Variants in TMEFF2 observed in about 807,000 individuals in gnomAD.
TMEFF2 encodes the protein transmembrane protein with EGF like and two follistatin like domains 2.
In TMEFF2, 28 loss-of-function variants were observed where a neutral mutation model predicts 53.8. The ratio of observed to expected loss-of-function variants is 0.52; its 90% CI spans 0.39 to 0.71. The LOEUF is 0.71. Ranked by LOEUF, TMEFF2 falls within the 30% of genes least tolerant of loss-of-function variation. TMEFF2 has a pLI of 0.00. For synonymous variants in TMEFF2, 162 were observed against 166.3 expected (o/e 0.97, Z 0.20); for missense variants, 353 against 455.2 (o/e 0.78, Z 2.04).
At chr2:191,961,090 A>C (rs1347150061) in intron 7 of TMEFF2, among the ~76,000 whole-genome samples, 1 of 152,178 alleles carries the variant, frequency 6.6e-6, no homozygotes, top group Non-Finnish European at 1.5e-5. Context: ...TATATATATT[A>C]AACAAAATAA....
In TMEFF2 at chr2:191,998,328, T is replaced by C. The variant is rs1559078060; in HGVS notation, c.686-7A>G. 6.3e-7 allele frequency: 1 copy of C among 1,588,882 alleles called. No individual in the cohort carries two copies. Among genetic ancestry groups the C allele is most frequent in the Non-Finnish European group, 8.6e-7 (1 of 1,166,344 alleles). ...GTAGTTGTAGTTGTGTTATCTGTGTTAAAAAATTAACAATAAAAATTGATT... is the reference window on the plus strand; with the variant it reads ...GTAGTTGTAGTTGTGTTATCTGTGTCAAAAAATTAACAATAAAAATTGATT... On this transcript the variant is annotated splice_region_variant and splice_polypyrimidine_tract_variant and intron_variant, in intron 6 of 9. Coordinates refer to ENST00000272771, the MANE Select transcript of TMEFF2 (RefSeq NM_016192.4).
intron 4 of TMEFF2, among the ~76,000 whole-genome samples, chr2:192,167,090 C>T (rs370541994): frequency 6.6e-6 from 1 of 152,052 alleles, no homozygotes; most frequent in East Asian, 1.9e-4. Context: ...GCATTCAAGT[C>T]CCACAGAACA....
chr2:192,182,164 G>A (rs1691202619), intron 3 of TMEFF2, among the ~76,000 whole-genome samples: 1 of 151,774 alleles, frequency 6.6e-6, no homozygotes, highest in African/African-American at 2.4e-5. Context: ...TAAATATAAA[G>A]TTATATCTTC....
At chr2:192,128,150 C>T (rs1356337385) in intron 4 of TMEFF2, among the ~76,000 whole-genome samples, 1 of 1,674 alleles carries the variant, frequency 6.0e-4, no homozygotes, top group Non-Finnish European at 9.1e-3. Flanking sequence ...GCATCTGTCA[C>T]AATTTTTTTA....
chr2:192,075,324 T>TATATATATATATATATATATATAC (rs1688404134), intron 4 of TMEFF2, among the ~76,000 whole-genome samples: 1 of 77,272 alleles, frequency 1.3e-5, no homozygotes, highest in Non-Finnish European at 3.0e-5. Context: ...TATATATATA[T>TATATATATATATATATATATATAC]ATATATATAC....
In TMEFF2 at chr2:192,132,674, G is replaced by A. The variant is rs1032097670; in HGVS notation, c.439+46994C>T. Among the ~76,000 whole-genome samples, 27 of 152,166 alleles carry A rather than the reference G, an allele frequency of 1.8e-4. No homozygotes were observed. In the East Asian group the frequency reaches 3.7e-3, roughly 21 times the overall value. ...CTGCAGCGGCCAGGCGTTCCTCCAG[G>A]CCCGCTTCCCCCAGGAGCTTGCTAC... On this transcript the variant is annotated intron_variant, in intron 4 of 9. Coordinates refer to ENST00000272771, the MANE Select transcript of TMEFF2 (RefSeq NM_016192.4).
intron 5 of TMEFF2, among the ~76,000 whole-genome samples, chr2:192,056,485 A>G (rs1215243774): frequency 6.6e-6 from 1 of 152,166 alleles, no homozygotes; most frequent in Non-Finnish European, 1.5e-5. Context: ...ATCATGACAC[A>G]AAGAACTCCC....
At chr2:192,175,442 T>C (rs1691017888) in intron 4 of TMEFF2, among the ~76,000 whole-genome samples, 1 of 151,654 alleles carries the variant, frequency 6.6e-6, no homozygotes, top group South Asian at 2.1e-4. Context: ...TGGAATTTTT[T>C]CATTAAATAA....
At chr2:191,998,981 A>G (rs886776395) in intron 6 of TMEFF2, 79 bp downstream of exon 6, 13 of 1,423,232 alleles carry the variant, frequency 9.1e-6, no homozygotes, top group African/African-American at 1.4e-5. Flanking sequence ...TAGCTGCCTA[A>G]TAAGGAGTTT....
intron 4 of TMEFF2, among the ~76,000 whole-genome samples, chr2:192,133,274 C>T (rs1574403016): frequency 6.6e-6 from 1 of 152,082 alleles, no homozygotes; most frequent in Non-Finnish European, 1.5e-5. Flanking sequence ...GCTTCATTTG[C>T]GTCCTCCTCT....
chr2:192,163,528 A>G (rs1226440645), intron 4 of TMEFF2, among the ~76,000 whole-genome samples: 1 of 152,224 alleles, frequency 6.6e-6, no homozygotes, highest in African/African-American at 2.4e-5. Context: ...TTTTACTGCC[A>G]TACCAGTGAT....
intron 5 of TMEFF2, among the ~76,000 whole-genome samples, chr2:192,039,676 C>T (rs896489518): frequency 3.9e-5 from 6 of 152,132 alleles, no homozygotes; most frequent in Non-Finnish European, 8.8e-5. Context: ...GTTCAGGAAA[C>T]ACTATCCTAG....
intron 4 of TMEFF2, among the ~76,000 whole-genome samples, chr2:192,059,514 T>C (rs1332867797): frequency 6.6e-6 from 1 of 152,142 alleles, no homozygotes; most frequent in Non-Finnish European, 1.5e-5. Context: ...AGCCTTTTAG[T>C]GTTAGCAAGA....
At chr2:191,988,377 C>G (rs552216552) in intron 7 of TMEFF2, among the ~76,000 whole-genome samples, 1 of 152,220 alleles carries the variant, frequency 6.6e-6, no homozygotes, top group African/African-American at 2.4e-5. Flanking sequence ...GAGATTATTT[C>G]AAACAACAGG....
At chr2:192,161,632 C>G (rs771576998) in intron 4 of TMEFF2, among the ~76,000 whole-genome samples, 11 of 152,116 alleles carry the variant, frequency 7.2e-5, no homozygotes, top group Non-Finnish European at 1.3e-4. Context: ...AACATGTGGA[C>G]CAGTCTGGAG....
At chr2:191,966,433 G>A (rs1034067121) in intron 7 of TMEFF2, among the ~76,000 whole-genome samples, 1 of 152,148 alleles carries the variant, frequency 6.6e-6, no homozygotes, top group African/African-American at 2.4e-5. Context: ...TTCATTTAAA[G>A]ATTGAAGTAT....
chr2:192,069,496 A>T (rs1688237424), intron 4 of TMEFF2, among the ~76,000 whole-genome samples: 1 of 151,910 alleles, frequency 6.6e-6, no homozygotes, highest in African/African-American at 2.4e-5. Flanking sequence ...AGACATGCCC[A>T]TCTTACACAA....
chr2:191,964,412 C>CTT (rs71033645), intron 7 of TMEFF2, among the ~76,000 whole-genome samples: 6 of 99,298 alleles, frequency 6.0e-5, no homozygotes, highest in African/African-American at 2.7e-4. Context: ...TTCTTTCTTT[C>CTT]TTTCTTTCTT....
At chr2:192,156,571 A>G (rs1690510859) in intron 4 of TMEFF2, among the ~76,000 whole-genome samples, 1 of 152,056 alleles carries the variant, frequency 6.6e-6, no homozygotes, top group African/African-American at 2.4e-5. Flanking sequence ...AATTAAGCAC[A>G]TTGGTACCTT....
Sources: allele counts gnomAD v4.1 joint callset (sites outside exome capture counted in the v4.1 genomes callset), GRCh38; gene constraint gnomAD v4.1.1; transcripts MANE v1.5; gene names NCBI Gene and HGNC (gene_info 2026-07-23, HGNC 2026-07-21).